CTNNA3: variants seen among roughly 807,000 people sequenced by gnomAD.
CTNNA3 encodes catenin alpha-3.
A neutral mutation model predicts 95.7 loss-of-function variants in CTNNA3; 76 were observed. That is an observed-to-expected ratio of 0.79 (90% confidence interval 0.66 to 0.96). The LOEUF is 0.96. Ranked by LOEUF, CTNNA3 falls within the 40% of genes least tolerant of loss-of-function variation. The pLI, the probability that CTNNA3 is intolerant of heterozygous loss-of-function variation, is 0.00. For synonymous variants in CTNNA3, 431 were observed against 374.4 expected (o/e 1.15, Z -1.74); for missense variants, 1,191 against 1,089.8 (o/e 1.09, Z -1.31).
intron 15 of CTNNA3, among the ~76,000 whole-genome samples, chr10:66,062,577 A>G (rs2080225031): frequency 6.6e-6 from 1 of 152,170 alleles, no homozygotes; most frequent in Non-Finnish European, 1.5e-5. Flanking sequence ...CAGAATTGGG[A>G]ATAAAATAGA....
intron 7 of CTNNA3, among the ~76,000 whole-genome samples, chr10:67,006,076 G>A (rs1415811207): frequency 1.3e-5 from 2 of 151,936 alleles, no homozygotes; most frequent in Admixed American, 1.3e-4. Context: ...ACCACCTGTT[G>A]AACAGTACAG....
chr10:67,400,650 C>T (rs1026948779), intron 5 of CTNNA3, among the ~76,000 whole-genome samples: 1 of 152,020 alleles, frequency 6.6e-6, no homozygotes, highest in Non-Finnish European at 1.5e-5. Flanking sequence ...TTGAAAATAA[C>T]CCCCAAATTA....
intron 1 of CTNNA3, among the ~76,000 whole-genome samples, chr10:67,668,760 T>G (rs890625560): frequency 5.9e-5 from 9 of 152,012 alleles, no homozygotes; most frequent in Admixed American, 5.2e-4. Flanking sequence ...TTTCATATTT[T>G]CAGACCAGGG....
intron 7 of CTNNA3, among the ~76,000 whole-genome samples, chr10:66,997,017 C>T (rs549224767): frequency 6.6e-6 from 1 of 152,194 alleles, no homozygotes; most frequent in South Asian, 2.1e-4. Flanking sequence ...ATTTAGCTGC[C>T]TGGATAGCAG....
rs993081731 is a variant in CTNNA3, at chr10:65,918,223, A to G, written c.*2107T>C. ...CCAATACTGCATGTTCTAAACTCCA[A>G]CATGTGGAAAGATGATGTTGGGTCC... On this transcript the variant is annotated 3_prime_UTR_variant, in exon 18 of 18. Coordinates refer to ENST00000433211, the MANE Select transcript of CTNNA3 (RefSeq NM_013266.4). 2 of 152,108 alleles carry G rather than the reference A, an allele frequency of 1.3e-5. No homozygotes were observed. The highest frequency in any genetic ancestry group is 2.1e-4 in the South Asian group (1 of 4,828). 9.4% of individuals were successfully genotyped at this position (152,108 alleles called of 1,614,324 possible). A position where few individuals can be genotyped will look rare whatever the true frequency, so the allele number is the denominator to read the frequency against.
chr10:67,469,758 TA>T (rs1450632161), intron 5 of CTNNA3, among the ~76,000 whole-genome samples: 2 of 152,014 alleles, frequency 1.3e-5, no homozygotes, highest in East Asian at 3.9e-4. Flanking sequence ...TAAAGTACAA[TA>T]AAAAATAAAA....
At chr10:67,558,036 T>C (rs1338231232) in intron 3 of CTNNA3, among the ~76,000 whole-genome samples, 1 of 152,160 alleles carries the variant, frequency 6.6e-6, no homozygotes, top group Non-Finnish European at 1.5e-5. Context: ...ACCTAAGCCA[T>C]ATTCCCAAAT....
intron 7 of CTNNA3, among the ~76,000 whole-genome samples, chr10:66,919,793 T>C (rs957589571): frequency 5.3e-5 from 8 of 152,156 alleles, no homozygotes; most frequent in African/African-American, 1.9e-4. Flanking sequence ...ATTACAAATG[T>C]AGACATGCAT....
At chr10:66,091,511 G>C (rs1325273809) in intron 14 of CTNNA3, among the ~76,000 whole-genome samples, 1 of 151,872 alleles carries the variant, frequency 6.6e-6, no homozygotes, top group Admixed American at 6.6e-5. Flanking sequence ...ACTGTTCTAA[G>C]TGTGGGGGAA....
At chr10:67,726,520 TATATTATATATATTATTATATATTAC>T (rs1841224795) in intron 1 of CTNNA3, among the ~76,000 whole-genome samples, 4 of 70,924 alleles carry the variant, frequency 5.6e-5, no homozygotes, top group African/African-American at 1.9e-4. Flanking sequence ...TATATTATAT[TATATTATATATATTATTATATATTAC>T]ATATTATATA....
At chr10:67,098,452 T>A (rs1858145543) in intron 7 of CTNNA3, 1 of 152,340 alleles carries the variant, frequency 6.6e-6, no homozygotes, top group African/African-American at 2.4e-5. Context: ...TAGGCAGGTT[T>A]TTCTTAAAAA....
intron 2 of CTNNA3, 120 bp from the exon 3 acceptor site, chr10:67,607,169 G>A: frequency 7.0e-6 from 5 of 715,840 alleles, no homozygotes; most frequent in Non-Finnish European, 1.1e-5. Context: ...CAAGGGCTAG[G>A]GGCGCCAACC....
chr10:66,409,550 A>G (rs1334142307), intron 11 of CTNNA3, among the ~76,000 whole-genome samples: 1 of 152,184 alleles, frequency 6.6e-6, no homozygotes, highest in Admixed American at 6.5e-5. Context: ...GATGAATATG[A>G]CATCTATTAT....
At chr10:66,831,060 T>C (rs924017710) in intron 7 of CTNNA3, among the ~76,000 whole-genome samples, 6 of 152,330 alleles carry the variant, frequency 3.9e-5, no homozygotes, top group African/African-American at 1.4e-4. Context: ...TTTACTCCCA[T>C]GAAATAGCCT....
chr10:66,937,329 T>C (rs1460821330), intron 7 of CTNNA3, among the ~76,000 whole-genome samples: 1 of 152,034 alleles, frequency 6.6e-6, no homozygotes, highest in African/African-American at 2.4e-5. Flanking sequence ...TTGTTAAATA[T>C]TTTTCCTGGT....
rs149250942 is a variant in CTNNA3 at position 66,456,632 on chromosome 10, C to T, written c.1531+63985G>A. On this transcript the variant is annotated intron_variant, in intron 11 of 17. Transcript: ENST00000433211. ...CAGAAGTTGTGGTGAGCCTAGATCA[C>T]GCCACTGCACTCCAGCCTAGGCAAC... 4.6e-3 allele frequency among the ~76,000 whole-genome samples: 704 copies of T among 151,836 alleles called. 2 individuals are homozygous for T. The highest frequency in any genetic ancestry group is 6.8e-3 in the Non-Finnish European group (461 of 67,930).
At chr10:66,541,156 A>G (rs958971468) in intron 10 of CTNNA3, among the ~76,000 whole-genome samples, 9 of 152,044 alleles carry the variant, frequency 5.9e-5, no homozygotes, top group African/African-American at 1.9e-4. Context: ...GTGCCTCCTT[A>G]TTGTTATCCC....
intron 7 of CTNNA3, among the ~76,000 whole-genome samples, chr10:66,828,668 T>G (rs1842601578): frequency 6.6e-6 from 1 of 152,240 alleles, no homozygotes; most frequent in Non-Finnish European, 1.5e-5. Flanking sequence ...TTAAAACGCT[T>G]AAGTGTTAGT....
intron 13 of CTNNA3, among the ~76,000 whole-genome samples, chr10:66,214,755 G>A (rs1215734589): frequency 6.6e-6 from 1 of 152,094 alleles, no homozygotes; most frequent in Non-Finnish European, 1.5e-5. Flanking sequence ...TAGTCTATTA[G>A]CTAGAGGAAC....
Sources: allele counts gnomAD v4.1 joint callset (sites outside exome capture counted in the v4.1 genomes callset), GRCh38; gene constraint gnomAD v4.1.1; transcripts MANE v1.5; gene names NCBI Gene and HGNC (gene_info 2026-07-23, HGNC 2026-07-21).